The following DPP6 variants were observed in gnomAD, a reference collection of about 807,000 sequenced individuals.
DPP6 encodes dipeptidyl peptidase like 6, also known as A-type potassium channel modulatory protein DPP6.
DPP6 carries 69 observed loss-of-function variants against 122.6 expected under a neutral mutation model. The observed-to-expected ratio is 0.56, with a 90% CI of 0.46 to 0.69. The LOEUF (loss-of-function observed/expected upper bound fraction) is 0.69, where lower values mean the gene tolerates loss of function less well. DPP6 is among the 30% of genes least tolerant of loss of function. DPP6 has a pLI of 0.00. For synonymous variants in DPP6, 418 were observed against 433.1 expected (o/e 0.97, Z 0.43); for missense variants, 928 against 1,116.9 (o/e 0.83, Z 2.41).
chr7:154,701,777 G>A (rs1840544018), intron 7 of DPP6, among the ~76,000 whole-genome samples: 1 of 152,196 alleles, frequency 6.6e-6, no homozygotes, highest in Non-Finnish European at 1.5e-5. Flanking sequence ...TTATTCCTTG[G>A]AAAATGTAGA....
intron 1 of DPP6, among the ~76,000 whole-genome samples, chr7:154,363,495 A>C (rs1033041760): frequency 6.6e-6 from 1 of 152,182 alleles, no homozygotes; most frequent in Non-Finnish European, 1.5e-5. Flanking sequence ...GGGAGCCTTC[A>C]AATTGAGGAC....
At chr7:154,180,911 A>G (rs1486589468) in intron 1 of DPP6, among the ~76,000 whole-genome samples, 1 of 152,206 alleles carries the variant, frequency 6.6e-6, no homozygotes, top group Non-Finnish European at 1.5e-5. Context: ...TCAATTAAAT[A>G]TTAATCAGCT....
At chr7:153,875,024 T>A in the DPP6 span, among the ~76,000 whole-genome samples, 1 of 152,156 alleles carries the variant, frequency 6.6e-6, no homozygotes, top group Non-Finnish European at 1.5e-5. Context: ...CTGTATGAAC[T>A]TCAGATAGAT....
chr7:153,880,206 T>C, the DPP6 span, among the ~76,000 whole-genome samples: 1 of 152,218 alleles, frequency 6.6e-6, no homozygotes, highest in Non-Finnish European at 1.5e-5. Context: ...TAAATGTGTT[T>C]AGTAAGTCTA....
At chr7:153,860,038 G>T in the DPP6 span, among the ~76,000 whole-genome samples, 1 of 151,984 alleles carries the variant, frequency 6.6e-6, no homozygotes, top group Non-Finnish European at 1.5e-5. Flanking sequence ...GTGTAGAAAG[G>T]GTTCAGGGCA....
At chr7:154,749,368 A>G (rs1843221418) in intron 8 of DPP6, among the ~76,000 whole-genome samples, 3 of 87,602 alleles carry the variant, frequency 3.4e-5, no homozygotes, top group Admixed American at 1.2e-4. Context: ...AGAGAGGGTG[A>G]GAGCATAGGA....
chr7:154,364,296 A>C (rs771730465), intron 1 of DPP6, among the ~76,000 whole-genome samples: 52 of 152,112 alleles, frequency 3.4e-4, no homozygotes, highest in Non-Finnish European at 5.3e-4. Flanking sequence ...CCTCAGACTC[A>C]TTGTCCATCT....
At chr7:154,218,675 TCTTC>T (rs1800139613) in intron 1 of DPP6, among the ~76,000 whole-genome samples, 2 of 152,242 alleles carry the variant, frequency 1.3e-5, no homozygotes, top group Non-Finnish European at 2.9e-5. Context: ...ATTTTCCTTG[TCTTC>T]CTGTTTACAT....
intron 1 of DPP6, among the ~76,000 whole-genome samples, chr7:153,938,360 T>C (rs80054550): frequency 0.018 from 2,673 of 152,286 alleles, 70 homozygotes; most frequent in African/African-American, 0.061. Flanking sequence ...CTGTCAGATT[T>C]ATCACATGGA....
intron 1 of DPP6, among the ~76,000 whole-genome samples, chr7:154,284,632 A>G (rs1804734766): frequency 6.6e-6 from 1 of 152,232 alleles, no homozygotes; most frequent in African/African-American, 2.4e-5. Context: ...AGACAGGCTG[A>G]TCACTTGAGG....
chr7:153,778,026 C>T, the DPP6 span, among the ~76,000 whole-genome samples: 1 of 147,940 alleles, frequency 6.8e-6, no homozygotes, highest in Non-Finnish European at 1.5e-5. Context: ...ACTTTAAAAG[C>T]ATTACTTTGA....
At chr7:154,231,733 C>T (rs1284423597) in intron 1 of DPP6, among the ~76,000 whole-genome samples, 1 of 152,158 alleles carries the variant, frequency 6.6e-6, no homozygotes, top group Non-Finnish European at 1.5e-5. Flanking sequence ...TTGCGAGCCA[C>T]AGATGAGAGA....
intron 3 of DPP6, among the ~76,000 whole-genome samples, chr7:154,523,173 C>T (rs1827137033): frequency 6.6e-6 from 1 of 152,100 alleles, no homozygotes; most frequent in South Asian, 2.1e-4. Flanking sequence ...TAAATATTTT[C>T]TTGAAAGGGG....
At chr7:153,798,399 A>G in the DPP6 span, among the ~76,000 whole-genome samples, 1 of 152,100 alleles carries the variant, frequency 6.6e-6, no homozygotes, top group East Asian at 1.9e-4. Context: ...AGCTGATTTT[A>G]TTTCTTGTCC....
chr7:153,965,142 TC>T (rs1349552538), intron 1 of DPP6, among the ~76,000 whole-genome samples: 1 of 151,896 alleles, frequency 6.6e-6, no homozygotes, highest in African/African-American at 2.4e-5. Flanking sequence ...AGCCAGAGTT[TC>T]CTTGGTGTGT....
rs1275681328 is a variant in DPP6 at position 154,369,367 on chromosome 7, G to A, written c.244-76847G>A. On this transcript the variant is annotated intron_variant, in intron 1 of 25. Coordinates refer to ENST00000377770, the MANE Select transcript of DPP6 (RefSeq NM_130797.4). ...GTTTGTAACTAACTTTGTGTCAACT[G>A]TTTATTTATTTATTTTTGAGACAGA... Among the ~76,000 whole-genome samples, 2 of 152,010 alleles carry A rather than the reference G, an allele frequency of 1.3e-5. 1 individual carries two copies. Among genetic ancestry groups the A allele is most frequent in the African/African-American group, 4.8e-5 (2 of 41,384 alleles).
chr7:154,549,031 G>A (rs1331047927), intron 4 of DPP6, among the ~76,000 whole-genome samples: 1 of 152,184 alleles, frequency 6.6e-6, no homozygotes, highest in African/African-American at 2.4e-5. Context: ...AAAAGTTGTG[G>A]CTGGAAGGTC....
chr7:154,133,318 G>T (rs1295896871), intron 1 of DPP6, among the ~76,000 whole-genome samples: 1 of 152,152 alleles, frequency 6.6e-6, no homozygotes, highest in Non-Finnish European at 1.5e-5. Context: ...ACCTGAGCCT[G>T]TGTGCCTTCC....
chr7:154,092,470 C>T (rs1293589235), intron 1 of DPP6: 3 of 149,916 alleles, frequency 2.0e-5, no homozygotes, highest in Non-Finnish European at 4.4e-5. Context: ...ATATTTCTTC[C>T]CTCTTTCTTT....
Sources: allele counts gnomAD v4.1 joint callset (sites outside exome capture counted in the v4.1 genomes callset), GRCh38; gene constraint gnomAD v4.1.1; transcripts MANE v1.5; gene names NCBI Gene and HGNC (gene_info 2026-07-23, HGNC 2026-07-21).